HMOX2: variants seen among roughly 807,000 people sequenced by gnomAD.
The protein encoded by HMOX2 is heme oxygenase 2.
Under a neutral mutation model 33.7 loss-of-function variants are expected in HMOX2, and 30 were observed. The observed-to-expected ratio is 0.89, with a 90% CI of 0.67 to 1.21. The LOEUF is 1.21. Ranked by LOEUF, HMOX2 falls within the 50% of genes most tolerant of loss-of-function variation. The pLI is 0.00. For synonymous variants in HMOX2, 155 were observed against 155.0 expected (o/e 1.00, Z 0.00); for missense variants, 403 against 399.1 (o/e 1.01, Z -0.08).
intron 4 of HMOX2, 140 bp from the exon 5 acceptor site, chr16:4,509,272 T>G: frequency 4.6e-6 from 5 of 1,076,102 alleles, no homozygotes; most frequent in Non-Finnish European, 5.3e-6. Flanking sequence ...CCTAGGAGTT[T>G]GAGGCTGCAG....
rs371490917 is a variant in HMOX2 at position 4,477,119 on chromosome 16, AGTGCTCTGG to A, written c.-42+636_-42+644del. Reference sequence around the variant, plus strand: ...GGTTTACCTATTACTTTCTGAGCGCAGTGCTCTGGGTGGATTAATTGCCCTGCAAAAGCT... The same window carrying A: ...GGTTTACCTATTACTTTCTGAGCGCAGTGGATTAATTGCCCTGCAAAAGCT... On this transcript the variant is annotated intron_variant, in intron 1 of 5. Transcript: ENST00000570646. 3.6e-3 allele frequency among the ~76,000 whole-genome samples: 545 copies of A among 152,222 alleles called. 3 individuals are homozygous for A. Among genetic ancestry groups the A allele is most frequent in the African/African-American group, 0.012 (519 of 41,538 alleles).
chr16:4,507,563 A>C, intron 3 of HMOX2, 150 bp from the exon 4 acceptor site: 2 of 776,494 alleles, frequency 2.6e-6, no homozygotes, highest in Non-Finnish European at 4.1e-6. Context: ...AAGAAACAAA[A>C]GCTTCCTTGT....
intron 1 of HMOX2, among the ~76,000 whole-genome samples, chr16:4,486,535 A>G (rs2058172867): frequency 6.6e-6 from 1 of 152,204 alleles, no homozygotes; most frequent in South Asian, 2.1e-4. Flanking sequence ...CAGAAACTAC[A>G]TGGTTTTTTG....
At chr16:4,493,668 A>C (rs960546264) in intron 1 of HMOX2, among the ~76,000 whole-genome samples, 2 of 152,190 alleles carry the variant, frequency 1.3e-5, no homozygotes, top group Non-Finnish European at 2.9e-5. Context: ...GCTCATCTTA[A>C]TTAACATTTG....
chr16:4,486,210 A>G (rs1012387949), intron 1 of HMOX2, among the ~76,000 whole-genome samples: 1 of 152,228 alleles, frequency 6.6e-6, no homozygotes, highest in Non-Finnish European at 1.5e-5. Context: ...CAAAAAAGGA[A>G]GTATTTGAGT....
At chr16:4,474,913 C>T (rs547138043), upstream of HMOX2, 7 of 152,134 alleles carry the variant, frequency 4.6e-5, no homozygotes, top group African/African-American at 1.7e-4. Context: ...AGGCCTTGTC[C>T]GCTTGATATT....
At chr16:4,481,934 G>A (rs996383062) in intron 1 of HMOX2, 2 of 152,242 alleles carry the variant, frequency 1.3e-5, no homozygotes. Flanking sequence ...GCTGAGTGTG[G>A]ATAGTAGTGT....
chr16:4,508,066 C>T lies in HMOX2; in HGVS notation c.558C>T (p.Phe186=), dbSNP rs1444230759. The change falls in exon 4 of 6, where the codon TTC becomes TTT. Residue 186 remains phenylalanine (F), a synonymous_variant. Coordinates refer to ENST00000570646, the MANE Select transcript of HMOX2 (RefSeq NM_002134.4). ...KLPSTGEGTQ[F]YLFENVDNAQ... Reference sequence around the variant, plus strand: ...CCAGCACAGGGGAAGGGACCCAGTTCTACCTGTTTGAGAATGTGGACAATG... The same window carrying T: ...CCAGCACAGGGGAAGGGACCCAGTTTTACCTGTTTGAGAATGTGGACAATG... The T allele has an allele frequency of 1.2e-6, 2 of 1,614,106 alleles. No individual in the cohort carries two copies. Among genetic ancestry groups the T allele is most frequent in the Non-Finnish European group, 1.7e-6 (2 of 1,180,008 alleles).
At chr16:4,504,421 C>T (rs1033635287) in intron 1 of HMOX2, among the ~76,000 whole-genome samples, 46 of 132,724 alleles carry the variant, frequency 3.5e-4, no homozygotes, top group Non-Finnish European at 4.7e-4. Context: ...AGTGCAGTGG[C>T]GCGATCTTGG....
At chr16:4,478,089 T>C (rs570331134) in intron 1 of HMOX2, among the ~76,000 whole-genome samples, 74 of 152,322 alleles carry the variant, frequency 4.9e-4, no homozygotes, top group African/African-American at 1.7e-3. Flanking sequence ...GGAAACACAC[T>C]CATTGAATGA....
At chr16:4,495,795 G>C (rs2058403102) in intron 1 of HMOX2, 1 of 152,182 alleles carries the variant, frequency 6.6e-6, no homozygotes, top group South Asian at 2.1e-4. Flanking sequence ...GGGTGCTATA[G>C]AGATGTGCAG....
intron 1 of HMOX2, among the ~76,000 whole-genome samples, chr16:4,478,330 C>T (rs1056557227): frequency 6.6e-6 from 1 of 152,196 alleles, no homozygotes; most frequent in Non-Finnish European, 1.5e-5. Flanking sequence ...AATTGGACAG[C>T]TAGAGCTACC....
chr16:4,505,246 A>G (rs1027415752), intron 1 of HMOX2, among the ~76,000 whole-genome samples: 3 of 152,238 alleles, frequency 2.0e-5, no homozygotes, highest in African/African-American at 7.2e-5. Context: ...AATTATTTTT[A>G]AAAACCAGCA....
chr16:4,490,671 C>G (rs1237028445), intron 1 of HMOX2, among the ~76,000 whole-genome samples: 1 of 152,176 alleles, frequency 6.6e-6, no homozygotes, highest in Non-Finnish European at 1.5e-5. Flanking sequence ...CATTTGTGGG[C>G]AGTGCCAAGC....
intron 1 of HMOX2, among the ~76,000 whole-genome samples, chr16:4,491,588 G>T (rs2058307076): frequency 6.6e-6 from 1 of 152,052 alleles, no homozygotes; most frequent in Non-Finnish European, 1.5e-5. Flanking sequence ...GGAGGTCAAG[G>T]CTGCAGTGGG....
chr16:4,486,512 T>C (rs2058171981), intron 1 of HMOX2, among the ~76,000 whole-genome samples: 1 of 152,142 alleles, frequency 6.6e-6, no homozygotes, highest in Non-Finnish European at 1.5e-5. Flanking sequence ...GGGGATGAGG[T>C]GAGTTGAAGA....
intron 1 of HMOX2, among the ~76,000 whole-genome samples, chr16:4,503,369 GC>G (rs1011471235): frequency 6.6e-6 from 1 of 152,142 alleles, no homozygotes; most frequent in Non-Finnish European, 1.5e-5. Flanking sequence ...GCCCCAGGAA[GC>G]CCTCTGCATA....
chr16:4,503,192 T>G (rs1464286530), intron 1 of HMOX2, among the ~76,000 whole-genome samples: 2 of 152,166 alleles, frequency 1.3e-5, no homozygotes, highest in African/African-American at 4.8e-5. Flanking sequence ...TGAGGCTTAT[T>G]CTACAGCTTG....
At chr16:4,498,305 G>A (rs988333365) in intron 1 of HMOX2, among the ~76,000 whole-genome samples, 1 of 151,620 alleles carries the variant, frequency 6.6e-6, no homozygotes, top group African/African-American at 2.4e-5. Flanking sequence ...GACCTCAGGT[G>A]ATCTACCCGC....
Sources: gnomAD v4.1 joint callset for allele counts (sites outside exome capture counted in the v4.1 genomes callset) on GRCh38, gnomAD v4.1.1 for gene constraint, MANE v1.5 for transcripts, NCBI Gene and HGNC (gene_info 2026-07-23, HGNC 2026-07-21) for gene names.